KLF7: variants seen among roughly 807,000 people sequenced by gnomAD.
The protein encoded by KLF7 is KLF transcription factor 7, also known as Krueppel-like factor 7.
Under a neutral mutation model 27.3 loss-of-function variants are expected in KLF7, and 2 were observed. That is an observed-to-expected ratio of 0.07 (90% CI 0.03 to 0.23). The LOEUF (loss-of-function observed/expected upper bound fraction) is 0.23, where lower values mean the gene tolerates loss of function less well. KLF7 is among the 10% of genes least tolerant of loss of function. The pLI is 1.00. For synonymous variants in KLF7, 165 were observed against 162.4 expected (o/e 1.02, Z -0.12); for missense variants, 221 against 394.1 (o/e 0.56, Z 3.72).
At chr2:207,113,107 A>G (rs2077079484) in intron 2 of KLF7, among the ~76,000 whole-genome samples, 2 of 152,258 alleles carry the variant, frequency 1.3e-5, no homozygotes, top group African/African-American at 4.8e-5. Flanking sequence ...ATGGCTACAC[A>G]ATAATTTGGT....
At chr2:207,147,712 G>A (rs148874812) in intron 1 of KLF7, among the ~76,000 whole-genome samples, 48 of 152,222 alleles carry the variant, frequency 3.2e-4, no homozygotes, top group Non-Finnish European at 4.1e-4. Flanking sequence ...CTGAGAAAGT[G>A]GCTCAAAATA....
intron 1 of KLF7, among the ~76,000 whole-genome samples, chr2:207,151,676 T>C (rs183548427): frequency 4.6e-4 from 70 of 152,128 alleles, no homozygotes; most frequent in Non-Finnish European, 9.6e-4. Flanking sequence ...AATATTTTAA[T>C]AGTAGCTAAT....
In KLF7 at chr2:207,074,424, T is replaced by C. The variant is rs549887652; in HGVS notation, c.*6789A>G. ...CCTGGAAGTCGTGTGTGGCAGAGAT[T>C]TTAGTACTTTTCTTTTCAGTTCTGA... On this transcript the variant is annotated 3_prime_UTR_variant, in exon 4 of 4. Coordinates refer to ENST00000309446, the MANE Select transcript of KLF7 (RefSeq NM_003709.4). 2 of 152,192 alleles carry C rather than the reference T, an allele frequency of 1.3e-5. No homozygotes were observed. The highest frequency in any genetic ancestry group is 2.9e-5 in the Non-Finnish European group (2 of 68,092). The allele number at this position is 152,192 out of a possible 1,614,324, so 9.4% of individuals were successfully genotyped here.
In KLF7 at chr2:207,081,084, TACAGA is replaced by T; in HGVS notation, c.*124_*128del. The stretch of plus-strand genomic sequence containing the variant: ...ATATGTGTGTGTGTGTGTGTGTGTG[TACAGA>T]GGTTTATAAGTGAGAACTTTCTTCT... On this transcript the variant is annotated 3_prime_UTR_variant, in exon 4 of 4. Coordinates refer to ENST00000309446, the MANE Select transcript of KLF7 (RefSeq NM_003709.4). 1.3e-6 allele frequency: 1 copy of T among 754,802 alleles called. No individual in the cohort carries two copies. 46.8% of individuals were successfully genotyped at this position (754,802 alleles called of 1,614,324 possible).
chr2:207,095,251 T>C (rs150336030), intron 2 of KLF7, among the ~76,000 whole-genome samples: 1,796 of 152,126 alleles, frequency 0.012, 44 homozygotes, highest in African/African-American at 0.041. Context: ...GGTTTCACCG[T>C]GGTAGCCAGG....
chr2:207,101,575 C>G (rs2076766261), intron 2 of KLF7, among the ~76,000 whole-genome samples: 1 of 152,026 alleles, frequency 6.6e-6, no homozygotes, highest in Non-Finnish European at 1.5e-5. Context: ...TGAGGAGGAC[C>G]CTTAAGAATG....
chr2:207,140,273 T>C (rs555474253), intron 1 of KLF7, among the ~76,000 whole-genome samples: 51 of 152,310 alleles, frequency 3.3e-4, no homozygotes, highest in African/African-American at 1.0e-3. Context: ...ACCAAATACA[T>C]AGAAACTCAA....
chr2:207,138,237 G>A (rs993311307), intron 1 of KLF7, among the ~76,000 whole-genome samples: 1 of 152,208 alleles, frequency 6.6e-6, no homozygotes, highest in Non-Finnish European at 1.5e-5. Flanking sequence ...AACTACATTA[G>A]CAGCATAAGG....
intron 1 of KLF7, among the ~76,000 whole-genome samples, chr2:207,160,038 T>A (rs929910064): frequency 2.6e-5 from 4 of 152,220 alleles, no homozygotes; most frequent in Non-Finnish European, 4.4e-5. Flanking sequence ...GAATTTTAGA[T>A]AGAATAAGGA....
chr2:207,141,203 G>C (rs933353264), intron 1 of KLF7, among the ~76,000 whole-genome samples: 2 of 152,120 alleles, frequency 1.3e-5, no homozygotes, highest in African/African-American at 4.8e-5. Context: ...GAGGAAAATG[G>C]AATTCCCTAC....
chr2:207,081,132 C>A lies in KLF7; in HGVS notation c.*81G>T. ...TTTCTTCTGCGAGGCAATGGGTCCC[C>A]GCCTGAAGTCCAGCCCCCTGCCTCA... On this transcript the variant is annotated 3_prime_UTR_variant, in exon 4 of 4. Coordinates refer to ENST00000309446, the MANE Select transcript of KLF7 (RefSeq NM_003709.4). 1.6e-6 allele frequency: 2 copies of A among 1,245,858 alleles called. No individual in the cohort carries two copies. Among genetic ancestry groups the A allele is most frequent in the East Asian group, 4.6e-5 (2 of 43,188 alleles). 77.2% of individuals were successfully genotyped at this position (1,245,858 alleles called of 1,614,324 possible).
chr2:207,153,083 G>C (rs1305934428), intron 1 of KLF7, among the ~76,000 whole-genome samples: 2 of 152,022 alleles, frequency 1.3e-5, no homozygotes, highest in Non-Finnish European at 2.9e-5. Context: ...AGGAAACTGA[G>C]GACTAGAGAA....
At chr2:207,141,556 C>A in intron 1 of KLF7, among the ~76,000 whole-genome samples, 1 of 152,156 alleles carries the variant, frequency 6.6e-6, no homozygotes, top group East Asian at 1.9e-4. Flanking sequence ...TGGTACATAG[C>A]ACCAGCTCAT....
At chr2:207,167,463 C>T (rs2078746199), upstream of KLF7, among the ~76,000 whole-genome samples, 1 of 152,192 alleles carries the variant, frequency 6.6e-6, no homozygotes, top group South Asian at 2.1e-4. Flanking sequence ...TTTCCCCTCC[C>T]TTTGACTATG....
intron 3 of KLF7, among the ~76,000 whole-genome samples, chr2:207,085,359 T>G (rs1389780973): frequency 6.6e-6 from 1 of 151,902 alleles, no homozygotes; most frequent in African/African-American, 2.4e-5. Context: ...CTAGTAGCTG[T>G]CTCCCTGGAT....
chr2:207,173,214 T>C, the KLF7 span, among the ~76,000 whole-genome samples: 1 of 152,150 alleles, frequency 6.6e-6, no homozygotes, highest in Non-Finnish European at 1.5e-5. Context: ...AGGCCTCTAG[T>C]GTCCTGGATA....
chr2:207,157,219 TAAAAAAAA>T (rs5838052), intron 1 of KLF7, among the ~76,000 whole-genome samples: 1 of 87,314 alleles, frequency 1.1e-5, no homozygotes, highest in Non-Finnish European at 2.3e-5. Context: ...AACAGAAAAG[TAAAAAAAA>T]AAAAAAAAAA....
chr2:207,166,172 C>T (rs745503847), upstream of KLF7: 207 of 986,012 alleles, frequency 2.1e-4, 1 homozygote, highest in Admixed American at 6.1e-5. Flanking sequence ...GGAGGGCGTC[C>T]ATTAGGCCGC....
chr2:207,139,033 T>G (rs372130174), intron 1 of KLF7, among the ~76,000 whole-genome samples: 2 of 152,330 alleles, frequency 1.3e-5, no homozygotes, highest in South Asian at 4.1e-4. Flanking sequence ...GAGAGGATCC[T>G]TTTTGCGAAG....
Sources: allele counts gnomAD v4.1 joint callset (sites outside exome capture counted in the v4.1 genomes callset), GRCh38; gene constraint gnomAD v4.1.1; transcripts MANE v1.5; gene names NCBI Gene and HGNC (gene_info 2026-07-23, HGNC 2026-07-21).